Variants in XRCC4 observed in about 807,000 individuals in gnomAD.
The protein encoded by XRCC4 is X-ray repair cross complementing 4.
Under a neutral mutation model 39.1 loss-of-function variants are expected in XRCC4, and 28 were observed. That is an observed-to-expected ratio of 0.72 (90% confidence interval 0.53 to 0.98). XRCC4 has a LOEUF of 0.98. XRCC4 is among the 50% of genes least tolerant of loss of function. The pLI is 0.00. For synonymous variants in XRCC4, 123 were observed against 126.4 expected, an observed-to-expected ratio of 0.97 and a Z score of 0.18; for missense variants, 350 against 376.4, an observed-to-expected ratio of 0.93 and a Z score of 0.58.
At chr5:83,372,536 G>C in the XRCC4 span, among the ~76,000 whole-genome samples, 1 of 152,090 alleles carries the variant, frequency 6.6e-6, no homozygotes, top group South Asian at 2.1e-4. Flanking sequence ...ATTGTGAGGG[G>C]TCTGTAAATC....
chr5:83,240,739 A>G (rs1266012122), intron 6 of XRCC4, among the ~76,000 whole-genome samples: 2 of 152,174 alleles, frequency 1.3e-5, no homozygotes, highest in African/African-American at 4.8e-5. Context: ...GAGTGAGATC[A>G]CCAGGAAAAA....
At chr5:83,315,488 G>A (rs938210233) in intron 7 of XRCC4, among the ~76,000 whole-genome samples, 2 of 152,146 alleles carry the variant, frequency 1.3e-5, no homozygotes, top group Admixed American at 1.3e-4. Flanking sequence ...TGCCATCTGG[G>A]ACTTTCATAG....
At chr5:83,254,577 A>G (rs1436919897) in intron 6 of XRCC4, among the ~76,000 whole-genome samples, 1 of 152,178 alleles carries the variant, frequency 6.6e-6, no homozygotes, top group Non-Finnish European at 1.5e-5. Context: ...AATGAATATT[A>G]TAGACATTTT....
chr5:83,341,380 AT>A (rs1342676900), intron 7 of XRCC4, among the ~76,000 whole-genome samples: 2 of 151,988 alleles, frequency 1.3e-5, no homozygotes, highest in Non-Finnish European at 2.9e-5. Flanking sequence ...ATACACACAT[AT>A]TCTGGTTTTC....
intron 7 of XRCC4, among the ~76,000 whole-genome samples, chr5:83,302,498 A>T (rs67837423): frequency 3.3e-5 from 5 of 152,002 alleles, no homozygotes; most frequent in Admixed American, 3.3e-4. Context: ...ACCCTGCTTC[A>T]GCTCTCCCTC....
intron 3 of XRCC4, among the ~76,000 whole-genome samples, chr5:83,143,128 G>A (rs1028692471): frequency 3.9e-5 from 6 of 152,122 alleles, no homozygotes; most frequent in Non-Finnish European, 8.8e-5. Flanking sequence ...TATGGAATAA[G>A]TGTGATTATT....
At chr5:83,130,760 G>A (rs1385937769) in intron 3 of XRCC4, among the ~76,000 whole-genome samples, 1 of 152,114 alleles carries the variant, frequency 6.6e-6, no homozygotes, top group Non-Finnish European at 1.5e-5. Flanking sequence ...TTTGCGAAGA[G>A]GTGTTTATAG....
intron 2 of XRCC4, among the ~76,000 whole-genome samples, chr5:83,109,040 A>G (rs576804029): frequency 2.7e-5 from 4 of 147,560 alleles, no homozygotes; most frequent in Non-Finnish European, 4.4e-5. Flanking sequence ...TATGAGAATC[A>G]TATTTTATTA....
intron 3 of XRCC4, among the ~76,000 whole-genome samples, chr5:83,143,681 C>T (rs1748292388): frequency 6.6e-6 from 1 of 151,954 alleles, no homozygotes; most frequent in South Asian, 2.1e-4. Context: ...CTTGAAGGAC[C>T]TTTTCTCTGA....
chr5:83,127,977 T>A (rs894268878), intron 3 of XRCC4, among the ~76,000 whole-genome samples: 4 of 151,906 alleles, frequency 2.6e-5, no homozygotes, highest in African/African-American at 7.3e-5. Context: ...ATCTGTCATT[T>A]ATTTATTTAT....
At chr5:83,297,603 A>G (rs769755071) in intron 7 of XRCC4, among the ~76,000 whole-genome samples, 21 of 152,124 alleles carry the variant, frequency 1.4e-4, no homozygotes, top group Non-Finnish European at 2.7e-4. Flanking sequence ...TGAAGAAGAA[A>G]TACCTAATAG....
chr5:83,085,497 G>A (rs1040711716), intron 1 of XRCC4, among the ~76,000 whole-genome samples: 1 of 151,938 alleles, frequency 6.6e-6, no homozygotes, highest in African/African-American at 2.4e-5. Flanking sequence ...GTAATTTTTA[G>A]GTAGATGCTT....
At chr5:83,123,172 C>T (rs1002662489) in intron 3 of XRCC4, among the ~76,000 whole-genome samples, 1 of 152,008 alleles carries the variant, frequency 6.6e-6, no homozygotes, top group African/African-American at 2.4e-5. Flanking sequence ...TCTTACTTCT[C>T]CTTGAAGTAA....
At position 83,104,935 on chromosome 5, in the gene XRCC4, A is replaced by T. The variant is rs771023679; in HGVS notation, c.16A>T (p.Ser6Cys). MERKI[S>C]RIHLVSEPSI... ...GTATTAAGAAATGGAGAGAAAAATA[A>T]GCAGAATCCACCTTGTTTCTGAACC... The change falls in exon 2 of 8, where the codon AGC (serine) becomes TGC (cysteine). Residue 6 changes from serine to cysteine, a missense_variant. Transcript: ENST00000396027. 4 of 1,613,256 alleles carry T rather than the reference A, an allele frequency of 2.5e-6. No individual in the cohort carries two copies. The highest frequency in any genetic ancestry group is 2.2e-5 in the South Asian group (2 of 91,028).
intron 7 of XRCC4, among the ~76,000 whole-genome samples, chr5:83,346,144 T>C (rs1468822745): frequency 6.6e-6 from 1 of 152,200 alleles, no homozygotes; most frequent in African/African-American, 2.4e-5. Context: ...TAGTTTCTTA[T>C]TCTGTCATTA....
intron 6 of XRCC4, among the ~76,000 whole-genome samples, chr5:83,209,083 AGTGTGT>A (rs35019637): frequency 0.013 from 1,921 of 143,552 alleles, 29 homozygotes; most frequent in African/African-American, 0.038. Flanking sequence ...CTCCAAAGTG[AGTGTGT>A]GTGTGTGTGT....
At chr5:83,334,615 T>C (rs1280024868) in intron 7 of XRCC4, among the ~76,000 whole-genome samples, 5 of 151,972 alleles carry the variant, frequency 3.3e-5, no homozygotes, top group Non-Finnish European at 7.4e-5. Flanking sequence ...TAAACTCTTT[T>C]ATAATACAAC....
chr5:83,352,766 C>G (rs1041741620), intron 7 of XRCC4, among the ~76,000 whole-genome samples: 4 of 152,036 alleles, frequency 2.6e-5, no homozygotes, highest in Admixed American at 6.6e-5. Context: ...TTTAAGAAAG[C>G]CAGAGTAAAA....
intron 7 of XRCC4, among the ~76,000 whole-genome samples, chr5:83,309,806 G>C (rs1353547204): frequency 6.8e-6 from 1 of 147,018 alleles, no homozygotes; most frequent in African/African-American, 2.5e-5. Context: ...AGGAACAAAA[G>C]GGATTTTTAA....
Sources: gnomAD v4.1 joint callset for allele counts (sites outside exome capture counted in the v4.1 genomes callset) on GRCh38, gnomAD v4.1.1 for gene constraint, MANE v1.5 for transcripts, NCBI Gene and HGNC (gene_info 2026-07-23, HGNC 2026-07-21) for gene names.